The following MID1 variants were observed in gnomAD, a reference collection of about 807,000 sequenced individuals.
MID1 encodes midline 1.
In MID1, 7 loss-of-function variants were observed where a neutral mutation model predicts 40.4. The ratio of observed to expected loss-of-function variants is 0.17; its 90% CI spans 0.10 to 0.33. MID1 has a LOEUF of 0.33. MID1 is among the 10% of genes least tolerant of loss of function. MID1 has a pLI of 1.00. For missense variants in MID1, 367 were observed against 558.5 expected (o/e 0.66, Z 3.46); for synonymous variants, 229 against 221.2 (o/e 1.04, Z -0.31).
chrX:10,824,329 T>C (rs2044200192), intron 1 of MID1, among the ~76,000 whole-genome samples: 1 of 112,299 alleles, frequency 8.9e-6, no homozygotes, highest in South Asian at 3.7e-4. Flanking sequence ...TTTGATATGT[T>C]TTCTCTTTGC....
intron 1 of MID1, among the ~76,000 whole-genome samples, chrX:10,801,081 A>C (rs2147145345): frequency 9.1e-6 from 1 of 110,253 alleles, no homozygotes; most frequent in South Asian, 3.9e-4. Flanking sequence ...TTTTTGATGA[A>C]TGGATAGTCA....
rs533855114 is a variant in MID1, at chrX:10,728,322, G to A, written c.-187+105232C>T. Among the ~76,000 whole-genome samples, 22 of 111,557 alleles carry A rather than the reference G, an allele frequency of 2.0e-4. No homozygotes were observed. In the South Asian group the frequency reaches 7.6e-3, roughly 39 times the overall value. ...CTTTCTCTGTTGGAATCTGAAAGCA[G>A]GAGCTCATCTTCATCTCTTCCCCCT... is the stretch of plus-strand genomic sequence containing the variant. On this transcript the variant is annotated intron_variant, in intron 1 of 10. Transcript: ENST00000380785.
At chrX:10,822,649 AAAGT>A (rs2044183534) in intron 1 of MID1, among the ~76,000 whole-genome samples, 1 of 112,231 alleles carries the variant, frequency 8.9e-6, no homozygotes, top group Admixed American at 9.4e-5. Flanking sequence ...AGAAAAAAAC[AAAGT>A]AAGCAAAGGA....
At chrX:10,695,854 T>C (rs910589937) in intron 1 of MID1, among the ~76,000 whole-genome samples, 3 of 111,799 alleles carry the variant, frequency 2.7e-5, no homozygotes, top group Non-Finnish European at 5.6e-5. Flanking sequence ...GATGTAAATA[T>C]AAAAATACAC....
intron 2 of MID1, 82 bp downstream of exon 2, chrX:10,566,806 A>G: frequency 9.5e-7 from 1 of 1,047,486 alleles, no homozygotes. Flanking sequence ...TTCACCTGCC[A>G]TGTAGCTAGC....
At chrX:10,701,879 C>G (rs766686678) in intron 1 of MID1, among the ~76,000 whole-genome samples, 3 of 112,411 alleles carry the variant, frequency 2.7e-5, no homozygotes, top group Admixed American at 9.4e-5. Flanking sequence ...AGATTTTCAA[C>G]GTGGTTGCAA....
intron 1 of MID1, among the ~76,000 whole-genome samples, chrX:10,713,198 G>A (rs546493126): frequency 5.4e-5 from 6 of 111,862 alleles, no homozygotes; most frequent in South Asian, 7.4e-4. Context: ...TGAGAACCAC[G>A]CCCGGCCTAG....
chrX:10,687,701 T>C (rs1410541907), intron 1 of MID1, among the ~76,000 whole-genome samples: 2 of 111,876 alleles, frequency 1.8e-5, no homozygotes, highest in Non-Finnish European at 3.8e-5. Flanking sequence ...ATTTTCTTAC[T>C]GAATTATGCC....
chrX:10,511,554 A>G (rs1932161261), intron 3 of MID1, among the ~76,000 whole-genome samples: 1 of 111,234 alleles, frequency 9.0e-6, no homozygotes, highest in Non-Finnish European at 1.9e-5. Flanking sequence ...CAGTTGGTTA[A>G]TTAATTAATT....
intron 2 of MID1, among the ~76,000 whole-genome samples, chrX:10,563,836 C>T (rs1340766600): frequency 2.7e-5 from 3 of 111,955 alleles, no homozygotes; most frequent in South Asian, 3.7e-4. Flanking sequence ...TTTTCTTTTA[C>T]ACTTAGAAAA....
intron 1 of MID1, among the ~76,000 whole-genome samples, chrX:10,807,449 G>T (rs2044056191): frequency 9.0e-6 from 1 of 111,275 alleles, no homozygotes; most frequent in South Asian, 3.8e-4. Context: ...TAAAATATTG[G>T]CCATCCTGGG....
At chrX:10,648,507 A>G (rs1455347659) in intron 1 of MID1, among the ~76,000 whole-genome samples, 1 of 112,284 alleles carries the variant, frequency 8.9e-6, no homozygotes, top group Admixed American at 9.5e-5. Context: ...GAAGAAGATG[A>G]GTGATGCCAG....
chrX:10,570,845 C>T (rs1934701682), intron 1 of MID1, among the ~76,000 whole-genome samples: 1 of 112,437 alleles, frequency 8.9e-6, no homozygotes, highest in Non-Finnish European at 1.9e-5. Context: ...TTGGCCTGCA[C>T]ATCTTATTTT....
At chrX:10,728,427 G>A (rs2043414511) in intron 1 of MID1, among the ~76,000 whole-genome samples, 2 of 111,925 alleles carry the variant, frequency 1.8e-5, no homozygotes, top group Non-Finnish European at 3.8e-5. Flanking sequence ...AATCAAATGT[G>A]TGCTCCTTTT....
chrX:10,804,552 T>G (rs1214857008), intron 1 of MID1, among the ~76,000 whole-genome samples: 1 of 111,791 alleles, frequency 8.9e-6, no homozygotes, highest in Non-Finnish European at 1.9e-5. Flanking sequence ...AACTCCTTCT[T>G]AAATCGAGTT....
intron 1 of MID1, among the ~76,000 whole-genome samples, chrX:10,717,399 GTC>G (rs1283504525): frequency 9.3e-6 from 1 of 107,343 alleles, no homozygotes; most frequent in African/African-American, 3.4e-5. Flanking sequence ...TGCAATCCTA[GTC>G]TCTGATAAAA....
At chrX:10,686,716 A>G (rs1162075065) in intron 1 of MID1, among the ~76,000 whole-genome samples, 1 of 112,368 alleles carries the variant, frequency 8.9e-6, no homozygotes, top group African/African-American at 3.2e-5. Context: ...GGAAGAAGCA[A>G]GATTGGGCAG....
In MID1 at chrX:10,466,673, T is replaced by G. The variant is rs777232365; in HGVS notation, c.1285+3024A>C. Among the ~76,000 whole-genome samples, 19 of 111,822 alleles carry G rather than the reference T, an allele frequency of 1.7e-4. No individual in the cohort carries two copies. In the South Asian group the frequency reaches 6.8e-3, roughly 40 times the overall value. On this transcript the variant is annotated intron_variant, in intron 7 of 9. Transcript: ENST00000317552. ...CCCTTAGGGGGCAAAACTGCCCTTG[T>G]TGAGAATCACTGCTTATATGAAGGA...
chrX:10,749,428 C>T (rs189214359), intron 1 of MID1, among the ~76,000 whole-genome samples: 497 of 111,934 alleles, frequency 4.4e-3, no homozygotes, highest in Non-Finnish European at 7.1e-3. Context: ...TATGTGCACA[C>T]GAAATTTAGT....
Sources: allele counts gnomAD v4.1 joint callset (sites outside exome capture counted in the v4.1 genomes callset), GRCh38; gene constraint gnomAD v4.1.1; transcripts MANE v1.5; gene names NCBI Gene and HGNC (gene_info 2026-07-23, HGNC 2026-07-21).